Variants in OPCML observed in about 807,000 individuals in gnomAD.
OPCML encodes the protein opioid-binding protein/cell adhesion molecule.
Under a neutral mutation model 37.8 loss-of-function variants are expected in OPCML, and 13 were observed. The ratio of observed to expected loss-of-function variants is 0.34; its 90% confidence interval spans 0.22 to 0.55. OPCML has a LOEUF of 0.55. Among genes scored for constraint, OPCML ranks in the 20% least tolerant of loss-of-function variants. The pLI, the probability that OPCML is intolerant of heterozygous loss-of-function variation, is 0.91. For missense variants in OPCML, 341 were observed against 435.6 expected (o/e 0.78, Z 1.93); for synonymous variants, 176 against 168.8 (o/e 1.04, Z -0.33).
intron 1 of OPCML, among the ~76,000 whole-genome samples, chr11:133,411,456 G>T (rs1375150052): frequency 6.6e-6 from 1 of 152,174 alleles, no homozygotes; most frequent in African/African-American, 2.4e-5. Context: ...TCAGGCCAGA[G>T]GTCATGGGAA....
rs77641177 is a variant in OPCML, at chr11:132,768,188, C to T, written c.147-110869G>A. On this transcript the variant is annotated intron_variant, in intron 2 of 7. Coordinates refer to ENST00000524381, the MANE Select transcript of OPCML (RefSeq NM_001012393.5). ...AGGTACCTGCTTATTCTATTGGAGA[C>T]GCGTAAAGGGCTTCTATTCATTGTT... is the stretch of plus-strand genomic sequence containing the variant. 4.6e-5 allele frequency among the ~76,000 whole-genome samples: 7 copies of T among 152,254 alleles called. No individual in the cohort carries two copies. The East Asian group carries it at 5.8e-4, about 13-fold the overall frequency.
chr11:133,531,267 C>T (rs1029773052), intron 1 of OPCML, among the ~76,000 whole-genome samples: 12 of 152,168 alleles, frequency 7.9e-5, no homozygotes, highest in African/African-American at 2.9e-4. Flanking sequence ...TATTAAGATG[C>T]CTTCAATTTT....
At chr11:133,005,760 T>C (rs778775099) in intron 1 of OPCML, 12 of 982,668 alleles carry the variant, frequency 1.2e-5, no homozygotes, top group Non-Finnish European at 1.5e-5. Flanking sequence ...TTTTTAAAAA[T>C]TGAATCACAT....
At chr11:132,693,497 TC>T (rs1331505509) in intron 2 of OPCML, among the ~76,000 whole-genome samples, 3 of 152,060 alleles carry the variant, frequency 2.0e-5, no homozygotes, top group Non-Finnish European at 4.4e-5. Context: ...CACCTAAACT[TC>T]CTGTGGGCAA....
chr11:132,648,901 A>G (rs1166927900), intron 3 of OPCML, among the ~76,000 whole-genome samples: 1 of 152,014 alleles, frequency 6.6e-6, no homozygotes, highest in Non-Finnish European at 1.5e-5. Context: ...CTATTTTTAT[A>G]ATTAAATAGA....
chr11:133,349,701 G>C (rs555962230), intron 1 of OPCML, among the ~76,000 whole-genome samples: 2 of 152,214 alleles, frequency 1.3e-5, no homozygotes, highest in South Asian at 2.1e-4. Context: ...CATTCCCCAC[G>C]GTGGATTTTC....
chr11:132,880,049 C>G (rs1373145701), intron 2 of OPCML, among the ~76,000 whole-genome samples: 4 of 152,110 alleles, frequency 2.6e-5, no homozygotes, highest in African/African-American at 4.8e-5. Context: ...AGCTCCTTCT[C>G]CCTCACTTTT....
chr11:132,468,264 G>C (rs1224294578), intron 4 of OPCML, among the ~76,000 whole-genome samples: 1 of 152,106 alleles, frequency 6.6e-6, no homozygotes, highest in Non-Finnish European at 1.5e-5. Context: ...TGTAGCCAAA[G>C]TACACCTCTC....
chr11:132,976,725 T>C (rs1946472742), intron 1 of OPCML, among the ~76,000 whole-genome samples: 1 of 152,218 alleles, frequency 6.6e-6, no homozygotes, highest in Admixed American at 6.5e-5. Context: ...TATAATTTTA[T>C]TAGAAACATA....
chr11:132,514,205 GGT>G (rs2096274942), intron 4 of OPCML, among the ~76,000 whole-genome samples: 4 of 152,236 alleles, frequency 2.6e-5, no homozygotes, highest in Admixed American at 2.6e-4. Context: ...GGATGATTTT[GGT>G]GATAATGATG....
chr11:133,041,257 T>C (rs1486452137), intron 1 of OPCML, among the ~76,000 whole-genome samples: 1 of 152,214 alleles, frequency 6.6e-6, no homozygotes, highest in Non-Finnish European at 1.5e-5. Flanking sequence ...TAGATAACGC[T>C]TGTAAAGCAC....
chr11:132,661,597 A>G (rs1941979816), intron 2 of OPCML, among the ~76,000 whole-genome samples: 1 of 152,194 alleles, frequency 6.6e-6, no homozygotes, highest in Non-Finnish European at 1.5e-5. Context: ...TTGAAGTTAA[A>G]TAAGGGGGAG....
chr11:133,488,885 A>G (rs1429292000), intron 1 of OPCML, among the ~76,000 whole-genome samples: 1 of 149,920 alleles, frequency 6.7e-6, no homozygotes, highest in East Asian at 2.0e-4. Flanking sequence ...ACATAGATCA[A>G]TGGGACAGAA....
intron 1 of OPCML, among the ~76,000 whole-genome samples, chr11:133,429,960 T>C (rs1565629507): frequency 1.3e-5 from 2 of 152,150 alleles, no homozygotes; most frequent in South Asian, 4.1e-4. Context: ...GCAGTGAGTC[T>C]GGATGGAAGC....
At chr11:133,372,474 A>G (rs1433883740) in intron 1 of OPCML, among the ~76,000 whole-genome samples, 1 of 152,204 alleles carries the variant, frequency 6.6e-6, no homozygotes, top group African/African-American at 2.4e-5. Context: ...TGAGAAATGC[A>G]TATGAAAGCT....
At chr11:133,411,437 G>A (rs1945650057) in intron 1 of OPCML, among the ~76,000 whole-genome samples, 1 of 152,130 alleles carries the variant, frequency 6.6e-6, no homozygotes, top group Non-Finnish European at 1.5e-5. Context: ...CCAGGCCCAG[G>A]GAGGAAGGTC....
rs141893566 is a variant in OPCML, at chr11:133,457,760, G to A, written c.61+74504C>T. Among the ~76,000 whole-genome samples the A allele has an allele frequency of 2.6e-3, 397 of 152,098 alleles. 3 individuals carry two copies. Among genetic ancestry groups the A allele is most frequent in the African/African-American group, 8.9e-3 (369 of 41,496 alleles). ...ATGACATTCACAGATAACTAAGAGC[G>A]GACGTAGTTCATTACCAATAGACTT... On this transcript the variant is annotated intron_variant, in intron 1 of 7. Coordinates refer to ENST00000524381, the MANE Select transcript of OPCML (RefSeq NM_001012393.5).
At chr11:133,392,592 T>C (rs1284439492) in intron 1 of OPCML, among the ~76,000 whole-genome samples, 1 of 152,206 alleles carries the variant, frequency 6.6e-6, no homozygotes, top group African/African-American at 2.4e-5. Context: ...ATGCTTCTGC[T>C]GAGGGCTGTG....
At chr11:133,027,473 G>A (rs1947575893) in intron 1 of OPCML, among the ~76,000 whole-genome samples, 1 of 114,402 alleles carries the variant, frequency 8.7e-6, no homozygotes, top group South Asian at 2.5e-4. Context: ...TCTATGTAGT[G>A]TGTGTGTGTG....
Sources: allele counts gnomAD v4.1 joint callset (sites outside exome capture counted in the v4.1 genomes callset), GRCh38; gene constraint gnomAD v4.1.1; transcripts MANE v1.5; gene names NCBI Gene and HGNC (gene_info 2026-07-23, HGNC 2026-07-21).